CTNNA3: variants seen among roughly 807,000 people sequenced by gnomAD.
The protein encoded by CTNNA3 is catenin alpha-3.
In CTNNA3, 76 loss-of-function variants were observed where a neutral mutation model predicts 95.7. That is an observed-to-expected ratio of 0.79 (90% CI 0.66 to 0.96). CTNNA3 has a LOEUF of 0.96. Among genes scored for constraint, CTNNA3 ranks in the 40% least tolerant of loss-of-function variants. The probability of loss-of-function intolerance (pLI) is 0.00; values close to 1 mark genes in which losing one functional copy is unlikely to be tolerated. For synonymous variants in CTNNA3, 431 were observed against 374.4 expected, an observed-to-expected ratio of 1.15 and a Z score of -1.74; for missense variants, 1,191 against 1,089.8, an observed-to-expected ratio of 1.09 and a Z score of -1.31.
At chr10:66,559,187 TCTC>T (rs1311946939) in intron 10 of CTNNA3, among the ~76,000 whole-genome samples, 1 of 152,030 alleles carries the variant, frequency 6.6e-6, no homozygotes, top group East Asian at 1.9e-4. Flanking sequence ...CTATTCTTCT[TCTC>T]CTTGCAGCCA....
At chr10:66,900,677 C>A (rs563210772) in intron 7 of CTNNA3, among the ~76,000 whole-genome samples, 113 of 152,172 alleles carry the variant, frequency 7.4e-4, no homozygotes, top group Non-Finnish European at 1.4e-3. Flanking sequence ...GTAGAGAAGA[C>A]CTTCAATGGC....
chr10:67,033,504 C>T (rs748586969), intron 7 of CTNNA3, among the ~76,000 whole-genome samples: 76 of 152,316 alleles, frequency 5.0e-4, no homozygotes, highest in Non-Finnish European at 6.8e-4. Flanking sequence ...TACCAATACA[C>T]GATGTAAATA....
chr10:66,238,982 T>C (rs1564799603), intron 13 of CTNNA3, among the ~76,000 whole-genome samples: 1 of 151,744 alleles, frequency 6.6e-6, no homozygotes, highest in Non-Finnish European at 1.5e-5. Context: ...ACAAAGAAAC[T>C]CTAATGCCAT....
chr10:66,580,229 A>G (rs1390757220), intron 10 of CTNNA3, among the ~76,000 whole-genome samples: 1 of 151,460 alleles, frequency 6.6e-6, no homozygotes, highest in Non-Finnish European at 1.5e-5. Flanking sequence ...TTGCTGTAAC[A>G]TTCTATTTTT....
rs1420457194 is a variant in CTNNA3, at chr10:67,373,979, T to G, written c.579+147863A>C. Among the ~76,000 whole-genome samples the G allele has an allele frequency of 3.3e-5, 5 of 152,190 alleles. No homozygotes were observed. In the East Asian group the frequency reaches 9.6e-4, roughly 29 times the overall value. ...TGTAATGTTTAATGTAATGTTTATG[T>G]TTATCTCCAGTGCCTCAAATGGTTC... On this transcript the variant is annotated intron_variant, in intron 5 of 17. Coordinates refer to ENST00000433211, the MANE Select transcript of CTNNA3 (RefSeq NM_013266.4).
At chr10:66,088,479 G>A (rs2081070313) in intron 14 of CTNNA3, among the ~76,000 whole-genome samples, 1 of 134,418 alleles carries the variant, frequency 7.4e-6, no homozygotes, top group Non-Finnish European at 1.6e-5. Flanking sequence ...TAGATAGGTA[G>A]GTGTTTTGTG....
chr10:66,423,310 C>T (rs1379391697), intron 11 of CTNNA3, among the ~76,000 whole-genome samples: 1 of 151,972 alleles, frequency 6.6e-6, no homozygotes, highest in East Asian at 1.9e-4. Context: ...ATTATACTAA[C>T]AAATTTAATC....
chr10:66,629,047 C>T (rs1845041357), intron 9 of CTNNA3, among the ~76,000 whole-genome samples: 1 of 151,760 alleles, frequency 6.6e-6, no homozygotes, highest in African/African-American at 2.4e-5. Context: ...AAAAAGTGGC[C>T]AGAGATAAGA....
At chr10:67,601,518 G>A (rs1040095087) in intron 3 of CTNNA3, among the ~76,000 whole-genome samples, 1 of 152,168 alleles carries the variant, frequency 6.6e-6, no homozygotes, top group Admixed American at 6.5e-5. Flanking sequence ...AATAGGCCAT[G>A]GACCAGTACC....
At chr10:67,074,271 C>T (rs1261329937) in intron 7 of CTNNA3, among the ~76,000 whole-genome samples, 1 of 150,334 alleles carries the variant, frequency 6.7e-6, no homozygotes, top group Non-Finnish European at 1.5e-5. Context: ...ACCTCATGAT[C>T]TGCCCGCCTT....
intron 9 of CTNNA3, among the ~76,000 whole-genome samples, chr10:66,757,330 G>A (rs184961480): frequency 2.0e-5 from 3 of 152,186 alleles, no homozygotes; most frequent in East Asian, 1.9e-4. Context: ...AATGCCCTTC[G>A]AGTCTATACT....
At chr10:67,451,459 A>G (rs912794648) in intron 5 of CTNNA3, among the ~76,000 whole-genome samples, 5 of 152,218 alleles carry the variant, frequency 3.3e-5, no homozygotes, top group Non-Finnish European at 5.9e-5. Flanking sequence ...TATGTTGAAT[A>G]AAGAGATCAA....
chr10:66,651,121 T>C (rs1360522928), intron 9 of CTNNA3, among the ~76,000 whole-genome samples: 1 of 152,182 alleles, frequency 6.6e-6, no homozygotes, highest in Non-Finnish European at 1.5e-5. Context: ...AGAGCACTGA[T>C]TGGTACATTT....
At chr10:67,355,452 A>C (rs895414727) in intron 5 of CTNNA3, among the ~76,000 whole-genome samples, 2 of 152,036 alleles carry the variant, frequency 1.3e-5, no homozygotes, top group South Asian at 4.1e-4. Flanking sequence ...AGAAAGAAAA[A>C]AATTCTTGCA....
At chr10:66,114,734 T>C (rs1053193279) in intron 13 of CTNNA3, among the ~76,000 whole-genome samples, 9 of 151,364 alleles carry the variant, frequency 5.9e-5, no homozygotes, top group African/African-American at 2.2e-4. Context: ...CAAAAATTAG[T>C]TGGGCGTGGT....
In CTNNA3 at chr10:67,484,406, T is replaced by C. The variant is rs12413271; in HGVS notation, c.579+37436A>G. ...CATTCTGGACATTGACTTTGGGAAATAATTTATCACTAAATCCTCAAAACC... is the reference window on the plus strand; with the variant it reads ...CATTCTGGACATTGACTTTGGGAAACAATTTATCACTAAATCCTCAAAACC... On this transcript the variant is annotated intron_variant, in intron 5 of 17. Coordinates refer to ENST00000433211, the MANE Select transcript of CTNNA3 (RefSeq NM_013266.4). 0.029 allele frequency among the ~76,000 whole-genome samples: 4,447 copies of C among 152,178 alleles called. 412 individuals are homozygous for C. The East Asian group carries it at 0.34, about 12-fold the overall frequency.
intron 5 of CTNNA3, among the ~76,000 whole-genome samples, chr10:67,488,851 G>T (rs1342999344): frequency 6.6e-6 from 1 of 151,930 alleles, no homozygotes; most frequent in Admixed American, 6.6e-5. Context: ...TGTATTTTTA[G>T]TAGAGACAGG....
At chr10:66,493,717 C>T (rs192852281) in intron 11 of CTNNA3, among the ~76,000 whole-genome samples, 2,358 of 145,022 alleles carry the variant, frequency 0.016, 57 homozygotes, top group African/African-American at 0.057. Flanking sequence ...GCCATTCTCC[C>T]GCCTCAGCCT....
At chr10:67,491,676 T>G (rs74855220) in intron 5 of CTNNA3, among the ~76,000 whole-genome samples, 4,750 of 152,266 alleles carry the variant, frequency 0.031, 111 homozygotes, top group Non-Finnish European at 0.046. Flanking sequence ...TTATACAATT[T>G]AGATTTCATT....
Sources: allele counts gnomAD v4.1 joint callset (sites outside exome capture counted in the v4.1 genomes callset), GRCh38; gene constraint gnomAD v4.1.1; transcripts MANE v1.5; gene names NCBI Gene and HGNC (gene_info 2026-07-23, HGNC 2026-07-21).